The following SYT17 variants were observed in gnomAD, a reference collection of about 807,000 sequenced individuals.
SYT17 encodes the protein synaptotagmin 17.
Under a neutral mutation model 46.7 loss-of-function variants are expected in SYT17, and 22 were observed. That is an observed-to-expected ratio of 0.47 (90% CI 0.34 to 0.67). The LOEUF (loss-of-function observed/expected upper bound fraction) is 0.67. Ranked by LOEUF, SYT17 falls within the 30% of genes least tolerant of loss-of-function variation. The pLI is 0.01. For missense variants in SYT17, 519 were observed against 612.8 expected (o/e 0.85, Z 1.62); for synonymous variants, 251 against 248.4 (o/e 1.01, Z -0.10).
intron 6 of SYT17, among the ~76,000 whole-genome samples, chr16:19,223,395 T>C (rs946303271): frequency 5.9e-5 from 9 of 152,228 alleles, no homozygotes; most frequent in Non-Finnish European, 1.3e-4. Flanking sequence ...TGACTTGGCC[T>C]TTCCAAATGC....
intron 7 of SYT17, among the ~76,000 whole-genome samples, chr16:19,231,746 A>AT (rs1966699729): frequency 6.6e-6 from 1 of 151,980 alleles, no homozygotes; most frequent in Non-Finnish European, 1.5e-5. Context: ...TACTGATTAA[A>AT]TTTTTGGAGC....
chr16:19,213,885 G>T (rs943763003), intron 5 of SYT17, among the ~76,000 whole-genome samples: 6 of 152,142 alleles, frequency 3.9e-5, no homozygotes, highest in African/African-American at 1.4e-4. Context: ...ATTTTGTTCA[G>T]GGTACAGTTA....
rs540344025 is a variant in SYT17 at position 19,215,968 on chromosome 16, C to T, written c.952-7077C>T. ...TCCTCTTTTTAAGACCATCAGATCT[C>T]GTGAGACTTATTCACTATCACGGGA... is the stretch of plus-strand genomic sequence containing the variant. On this transcript the variant is annotated intron_variant, in intron 5 of 7. Coordinates refer to ENST00000355377, the MANE Select transcript of SYT17 (RefSeq NM_016524.4). 1.1e-4 allele frequency among the ~76,000 whole-genome samples: 16 copies of T among 152,204 alleles called. No homozygotes were observed. In the South Asian group the frequency reaches 2.1e-3, roughly 20 times the overall value.
Position 19,258,574 on chromosome 16 carries a change from G to A in SYT17, c.1229-8306G>A, listed in dbSNP as rs561054594. Reference sequence around the variant, plus strand: ...GGAGAATCACTTCAACCCGGGAGGCGGAGGTTGCAGTGAGCTGAGATCATA... The same window carrying A: ...GGAGAATCACTTCAACCCGGGAGGCAGAGGTTGCAGTGAGCTGAGATCATA... On this transcript the variant is annotated intron_variant, in intron 7 of 7. Transcript: ENST00000355377. Among the ~76,000 whole-genome samples the A allele has an allele frequency of 4.6e-5, 7 of 152,238 alleles. No homozygotes were observed. In the East Asian group the frequency reaches 9.6e-4, roughly 21 times the overall value.
chr16:19,178,653 GACCTC>G (rs1042767679), intron 3 of SYT17, among the ~76,000 whole-genome samples: 11 of 152,122 alleles, frequency 7.2e-5, no homozygotes, highest in African/African-American at 2.4e-4. Flanking sequence ...TGCGTCTGAA[GACCTC>G]ACAGCATTCA....
chr16:19,189,835 C>T (rs1276688450), intron 5 of SYT17, among the ~76,000 whole-genome samples: 1 of 152,184 alleles, frequency 6.6e-6, no homozygotes, highest in African/African-American at 2.4e-5. Flanking sequence ...GTTATACTTT[C>T]TTCTTGGAAA....
At chr16:19,237,617 TAC>T (rs1462393938) in intron 7 of SYT17, among the ~76,000 whole-genome samples, 1 of 152,198 alleles carries the variant, frequency 6.6e-6, no homozygotes, top group African/African-American at 2.4e-5. Flanking sequence ...TAAAGGTGAT[TAC>T]AAAACTGCCC....
chr16:19,201,295 C>T (rs1348232231), intron 5 of SYT17, among the ~76,000 whole-genome samples: 1 of 152,176 alleles, frequency 6.6e-6, no homozygotes, highest in African/African-American at 2.4e-5. Context: ...AGGCTTCCTT[C>T]ATGGGGGACA....
At position 19,246,012 on chromosome 16, in the gene SYT17, A is replaced by T. The variant is rs574804952; in HGVS notation, c.1229-20868A>T. On this transcript the variant is annotated intron_variant, in intron 7 of 7. Coordinates refer to ENST00000355377, the MANE Select transcript of SYT17 (RefSeq NM_016524.4). ...CCTATATTTTGTATATTATTTATTT[A>T]TTTTTTTTTTTGAGACAGAGTCTCA... Among the ~76,000 whole-genome samples, 356 of 147,396 alleles carry T rather than the reference A, an allele frequency of 2.4e-3. 2 individuals are homozygous for T. The highest frequency in any genetic ancestry group is 4.1e-3 in the Non-Finnish European group (271 of 66,476).
intron 7 of SYT17, among the ~76,000 whole-genome samples, chr16:19,227,360 A>T (rs1308846149): frequency 1.4e-5 from 2 of 140,332 alleles, no homozygotes; most frequent in Non-Finnish European, 3.0e-5. Context: ...TCTGATGCCC[A>T]GCTGGAGTGC....
At chr16:19,248,608 G>A (rs1426104035) in intron 7 of SYT17, among the ~76,000 whole-genome samples, 1 of 152,028 alleles carries the variant, frequency 6.6e-6, no homozygotes, top group Non-Finnish European at 1.5e-5. Context: ...ATCACTTGAG[G>A]TCAGGAGTTT....
At chr16:19,235,100 G>A (rs946018065) in intron 7 of SYT17, among the ~76,000 whole-genome samples, 1 of 152,186 alleles carries the variant, frequency 6.6e-6, no homozygotes, top group Non-Finnish European at 1.5e-5. Flanking sequence ...GTCATGGGAA[G>A]TGAGCTGCAG....
intron 7 of SYT17, among the ~76,000 whole-genome samples, chr16:19,240,903 C>T (rs1967056883): frequency 6.6e-6 from 1 of 151,806 alleles, no homozygotes; most frequent in South Asian, 2.1e-4. Flanking sequence ...CAAGCATGTG[C>T]ACACCCGGCC....
chr16:19,191,229 G>A (rs1050907706), intron 5 of SYT17, among the ~76,000 whole-genome samples: 2 of 151,848 alleles, frequency 1.3e-5, no homozygotes, highest in Non-Finnish European at 2.9e-5. Context: ...ATGATATGCC[G>A]AAATGTGTAT....
chr16:19,228,035 T>A (rs1966555529), intron 7 of SYT17, among the ~76,000 whole-genome samples: 1 of 136,884 alleles, frequency 7.3e-6, no homozygotes, highest in African/African-American at 3.1e-5. Flanking sequence ...TGATAAAAGC[T>A]GAGGTTATTT....
At chr16:19,192,424 G>C (rs1188126722) in intron 5 of SYT17, among the ~76,000 whole-genome samples, 1 of 150,082 alleles carries the variant, frequency 6.7e-6, no homozygotes, top group African/African-American at 2.4e-5. Flanking sequence ...CTGTCTCATA[G>C]AAAAAAAAAG....
intron 6 of SYT17, among the ~76,000 whole-genome samples, chr16:19,223,923 G>T (rs144418215): frequency 7.2e-5 from 11 of 152,132 alleles, no homozygotes; most frequent in African/African-American, 2.6e-4. Flanking sequence ...AAGGGTTTAG[G>T]AGTCAAATGA....
chr16:19,202,717 T>C (rs1469089390), intron 5 of SYT17, among the ~76,000 whole-genome samples: 1 of 152,144 alleles, frequency 6.6e-6, no homozygotes, highest in Non-Finnish European at 1.5e-5. Flanking sequence ...TTCTGGAGAT[T>C]CCGGGCATTT....
rs191659409 is a variant in SYT17, at chr16:19,198,240, A to G, written c.951+14093A>G. Among the ~76,000 whole-genome samples the G allele has an allele frequency of 3.9e-5, 6 of 152,294 alleles. No individual in the cohort carries two copies. In the East Asian group the frequency reaches 9.6e-4, roughly 24 times the overall value. ...ACCCCACCCCGAGAACTAAAGATTT[A>G]CCACCACAACACTGATCTCAGTAGT... On this transcript the variant is annotated intron_variant, in intron 5 of 7. Transcript: ENST00000355377.
Sources: allele counts gnomAD v4.1 joint callset (sites outside exome capture counted in the v4.1 genomes callset), GRCh38; gene constraint gnomAD v4.1.1; transcripts MANE v1.5; gene names NCBI Gene and HGNC (gene_info 2026-07-23, HGNC 2026-07-21).